FNBP1L: variants seen among roughly 807,000 people sequenced by gnomAD.
FNBP1L encodes the protein formin-binding protein 1-like.
In FNBP1L, 36 loss-of-function variants were observed where a neutral mutation model predicts 91.2. The observed-to-expected ratio is 0.39, with a 90% CI of 0.30 to 0.52. FNBP1L has a LOEUF of 0.52. FNBP1L is among the 20% of genes least tolerant of loss of function. The probability of loss-of-function intolerance (pLI) is 0.66; values close to 1 mark genes in which losing one functional copy is unlikely to be tolerated. For missense variants in FNBP1L, 571 were observed against 732.1 expected, an observed-to-expected ratio of 0.78 and a Z score of 2.54; for synonymous variants, 242 against 237.0, an observed-to-expected ratio of 1.02 and a Z score of -0.19.
At chr1:93,475,412 G>T (rs1299626443) in intron 1 of FNBP1L, among the ~76,000 whole-genome samples, 2 of 152,090 alleles carry the variant, frequency 1.3e-5, no homozygotes, top group Non-Finnish European at 2.9e-5. Context: ...GGTGGTGCGT[G>T]CCTGTGGTCC....
intron 12 of FNBP1L, among the ~76,000 whole-genome samples, chr1:93,546,550 T>G (rs1269562028): frequency 6.6e-6 from 1 of 152,034 alleles, no homozygotes; most frequent in Non-Finnish European, 1.5e-5. Flanking sequence ...AGCCCTTGAT[T>G]TTGTGTGTGT....
intron 10 of FNBP1L, among the ~76,000 whole-genome samples, chr1:93,539,337 T>C (rs1241936273): frequency 6.6e-6 from 1 of 151,906 alleles, no homozygotes; most frequent in Non-Finnish European, 1.5e-5. Flanking sequence ...TTTTCTAGTT[T>C]ATGAGTATAT....
At chr1:93,532,841 G>A (rs1671727742) in intron 7 of FNBP1L, 81 bp from the exon 8 acceptor site, 1 of 1,030,702 alleles carries the variant, frequency 9.7e-7, no homozygotes, top group East Asian at 2.7e-5. Flanking sequence ...TTTAATTTTT[G>A]ATGGGGGATC....
chr1:93,469,262 T>C (rs927421636), intron 1 of FNBP1L, among the ~76,000 whole-genome samples: 4 of 116,950 alleles, frequency 3.4e-5, no homozygotes, highest in African/African-American at 1.3e-4. Flanking sequence ...CAGGCCCCAG[T>C]GTGTGATGTT....
intron 14 of FNBP1L, among the ~76,000 whole-genome samples, chr1:93,547,684 T>C (rs1232589959): frequency 6.6e-6 from 1 of 152,208 alleles, no homozygotes; most frequent in East Asian, 1.9e-4. Flanking sequence ...TAGAAAATTC[T>C]TGGAGCTACA....
intron 12 of FNBP1L, among the ~76,000 whole-genome samples, chr1:93,545,713 G>A (rs141783605): frequency 6.6e-6 from 1 of 152,158 alleles, no homozygotes; most frequent in Non-Finnish European, 1.5e-5. Flanking sequence ...CAATCCAGGT[G>A]AGAGATACTG....
intron 1 of FNBP1L, among the ~76,000 whole-genome samples, chr1:93,492,160 A>C (rs1400352651): frequency 6.6e-6 from 1 of 152,194 alleles, no homozygotes; most frequent in African/African-American, 2.4e-5. Flanking sequence ...TTTTAAAAAC[A>C]ATCTGATACA....
At chr1:93,506,572 C>T (rs1206054473) in intron 2 of FNBP1L, among the ~76,000 whole-genome samples, 1 of 152,104 alleles carries the variant, frequency 6.6e-6, no homozygotes, top group Admixed American at 6.5e-5. Flanking sequence ...TAATATTACC[C>T]TTTGCTGGAA....
chr1:93,475,433 G>A (rs1669458980), intron 1 of FNBP1L, among the ~76,000 whole-genome samples: 2 of 152,078 alleles, frequency 1.3e-5, no homozygotes, highest in South Asian at 4.1e-4. Flanking sequence ...CAGCTATTTG[G>A]GAGGCTGAGG....
At chr1:93,460,828 A>G (rs1260389876) in intron 1 of FNBP1L, among the ~76,000 whole-genome samples, 1 of 152,270 alleles carries the variant, frequency 6.6e-6, no homozygotes, top group Admixed American at 6.5e-5. Context: ...TCAGTTATGC[A>G]GGAAGAATAA....
intron 1 of FNBP1L, among the ~76,000 whole-genome samples, chr1:93,462,453 G>T (rs1342938368): frequency 6.6e-6 from 1 of 151,906 alleles, no homozygotes; most frequent in African/African-American, 2.4e-5. Flanking sequence ...ATTAACTAAA[G>T]GCCACAGTTT....
chr1:93,528,564 T>C (rs756635659), intron 5 of FNBP1L, among the ~76,000 whole-genome samples: 3 of 152,128 alleles, frequency 2.0e-5, no homozygotes, highest in Non-Finnish European at 4.4e-5. Context: ...GAATGTGTTC[T>C]AGCAAAATGA....
chr1:93,533,373 G>A (rs1423168679), intron 8 of FNBP1L, among the ~76,000 whole-genome samples: 3 of 152,060 alleles, frequency 2.0e-5, no homozygotes, highest in Non-Finnish European at 4.4e-5. Context: ...TATTATATTA[G>A]TTTAGTGAAA....
chr1:93,518,049 T>G (rs924429142), intron 2 of FNBP1L, among the ~76,000 whole-genome samples: 29 of 152,352 alleles, frequency 1.9e-4, no homozygotes, highest in African/African-American at 7.0e-4. Context: ...GTAATACATG[T>G]ATGACAAATG....
At chr1:93,518,352 T>C (rs879647554) in intron 2 of FNBP1L, among the ~76,000 whole-genome samples, 2 of 152,202 alleles carry the variant, frequency 1.3e-5, no homozygotes, top group African/African-American at 2.4e-5. Context: ...TCCAGCAGCC[T>C]GTCCTCCCAC....
intron 1 of FNBP1L, among the ~76,000 whole-genome samples, chr1:93,467,090 C>T (rs1371734315): frequency 6.6e-6 from 1 of 152,196 alleles, no homozygotes; most frequent in East Asian, 1.9e-4. Flanking sequence ...CTCCTGACCT[C>T]AAGTTATCCA....
At position 93,547,444 on chromosome 1, in the gene FNBP1L, G is replaced by A. The variant is rs1475873044; in HGVS notation, c.1502+3G>A. 1 of 1,549,022 alleles carries A rather than the reference G, an allele frequency of 6.5e-7. No homozygotes were observed. Among genetic ancestry groups the A allele is most frequent in the South Asian group, 1.2e-5 (1 of 83,652 alleles). On this transcript the variant is annotated splice_donor_region_variant and intron_variant, in intron 14 of 16. Transcript: ENST00000271234. ...CTTGTAACACAGGGACGAGAAAGGT[G>A]ATTTTTTGTATTTTATTTGTATTTC...
intron 2 of FNBP1L, among the ~76,000 whole-genome samples, chr1:93,511,334 A>C (rs1202637431): frequency 6.6e-6 from 1 of 152,168 alleles, no homozygotes; most frequent in Non-Finnish European, 1.5e-5. Flanking sequence ...TTCAACCCAG[A>C]ATTTCATATC....
chr1:93,453,238 G>C (rs961293106), intron 1 of FNBP1L, among the ~76,000 whole-genome samples: 1 of 152,116 alleles, frequency 6.6e-6, no homozygotes, highest in Admixed American at 6.5e-5. Flanking sequence ...TATTACAGAC[G>C]TTATTGCTAT....
Sources: allele counts gnomAD v4.1 joint callset (sites outside exome capture counted in the v4.1 genomes callset), GRCh38; gene constraint gnomAD v4.1.1; transcripts MANE v1.5; gene names NCBI Gene and HGNC (gene_info 2026-07-23, HGNC 2026-07-21).